Variants in NALF1 observed in about 807,000 individuals in gnomAD.
NALF1 encodes NALCN channel auxiliary factor 1.
Under a neutral mutation model 48.4 loss-of-function variants are expected in NALF1, and 3 were observed. That is an observed-to-expected ratio of 0.06 (90% CI 0.03 to 0.16). NALF1 has a LOEUF of 0.16. NALF1 is among the 10% of genes least tolerant of loss of function. The pLI, the probability that NALF1 is intolerant of heterozygous loss-of-function variation, is 1.00. For missense variants in NALF1, 526 were observed against 571.5 expected (o/e 0.92, Z 0.81); for synonymous variants, 262 against 245.7 (o/e 1.07, Z -0.62).
chr13:107,461,106 C>T (rs1884911609), intron 1 of NALF1, among the ~76,000 whole-genome samples: 1 of 151,914 alleles, frequency 6.6e-6, no homozygotes, highest in African/African-American at 2.4e-5. Flanking sequence ...GTTAAAAGAA[C>T]CCATAAAACA....
intron 1 of NALF1, among the ~76,000 whole-genome samples, chr13:107,454,508 A>G (rs1014148582): frequency 6.6e-6 from 1 of 152,116 alleles, no homozygotes; most frequent in Non-Finnish European, 1.5e-5. Flanking sequence ...CATGGGGGAA[A>G]CCACCCCCAT....
intron 1 of NALF1, among the ~76,000 whole-genome samples, chr13:107,684,639 A>C (rs1288512491): frequency 6.6e-6 from 1 of 151,990 alleles, no homozygotes; most frequent in Non-Finnish European, 1.5e-5. Flanking sequence ...CTGACAATAG[A>C]CTCTCTGGCT....
intron 1 of NALF1, among the ~76,000 whole-genome samples, chr13:107,342,493 T>A (rs186911037): frequency 6.6e-6 from 1 of 152,098 alleles, no homozygotes; most frequent in Non-Finnish European, 1.5e-5. Context: ...AAAACCTTTA[T>A]GAGAACTCCA....
intron 1 of NALF1, among the ~76,000 whole-genome samples, chr13:107,287,692 CT>C (rs1881523036): frequency 7.1e-6 from 1 of 140,306 alleles, no homozygotes; most frequent in Non-Finnish European, 1.5e-5. Context: ...CTTTTCCTTT[CT>C]TTTCTTTTCT....
At chr13:107,464,827 A>C in intron 1 of NALF1, among the ~76,000 whole-genome samples, 1 of 152,280 alleles carries the variant, frequency 6.6e-6, no homozygotes, top group East Asian at 1.9e-4. Flanking sequence ...GCGGCAATAC[A>C]AATTTTTAGA....
chr13:107,785,533 T>C (rs929050627), intron 1 of NALF1, among the ~76,000 whole-genome samples: 1 of 152,046 alleles, frequency 6.6e-6, no homozygotes, highest in African/African-American at 2.4e-5. Flanking sequence ...ACAATGGACT[T>C]TGGGGACTTG....
chr13:107,782,672 C>A (rs1374109932), intron 1 of NALF1, among the ~76,000 whole-genome samples: 3 of 151,534 alleles, frequency 2.0e-5, no homozygotes, highest in African/African-American at 7.3e-5. Context: ...GGCCGGCCAT[C>A]GTCTGAGATG....
intron 1 of NALF1, among the ~76,000 whole-genome samples, chr13:107,835,757 C>T (rs1047771218): frequency 2.0e-5 from 3 of 152,148 alleles, no homozygotes; most frequent in Non-Finnish European, 4.4e-5. Context: ...GCTAGCATCC[C>T]TGAGGCTTAC....
At chr13:107,226,137 A>T (rs1274466203) in intron 1 of NALF1, among the ~76,000 whole-genome samples, 2 of 152,056 alleles carry the variant, frequency 1.3e-5, no homozygotes, top group Non-Finnish European at 2.9e-5. Flanking sequence ...CTGGGGTTTA[A>T]ACACACACCA....
intron 1 of NALF1, among the ~76,000 whole-genome samples, chr13:107,578,673 T>C (rs1878219794): frequency 1.3e-5 from 2 of 152,190 alleles, no homozygotes; most frequent in African/African-American, 4.8e-5. Flanking sequence ...TCTTATTTAT[T>C]TTTACCTGTG....
chr13:107,272,897 T>C (rs1881205464), intron 1 of NALF1, among the ~76,000 whole-genome samples: 1 of 152,102 alleles, frequency 6.6e-6, no homozygotes, highest in Non-Finnish European at 1.5e-5. Context: ...TAAACTACAA[T>C]ATAAAAATGA....
Position 107,225,504 on chromosome 13 carries a change from T to TG in NALF1, c.916-14750dup, listed in dbSNP as rs1485626817. Among the ~76,000 whole-genome samples the TG allele has an allele frequency of 3.3e-5, 5 of 152,172 alleles. No individual in the cohort carries two copies. In the East Asian group the frequency reaches 9.7e-4, roughly 30 times the overall value. Reference sequence around the variant, plus strand: ...GTTGCCCAGGGTGGTCTTGAATTCCTGGCCTCAGGTAATCCTCCTGCATCA... The same window carrying TG: ...GTTGCCCAGGGTGGTCTTGAATTCCTGGGCCTCAGGTAATCCTCCTGCATCA... On this transcript the variant is annotated intron_variant, in intron 1 of 2. Transcript: ENST00000375915.
chr13:107,581,775 G>C (rs78777631), intron 1 of NALF1, among the ~76,000 whole-genome samples: 3,573 of 152,140 alleles, frequency 0.023, 126 homozygotes, highest in African/African-American at 0.08. Context: ...TAAGCAAATT[G>C]TATCTATTTT....
At chr13:107,616,738 A>T (rs754145928) in intron 1 of NALF1, among the ~76,000 whole-genome samples, 3 of 152,186 alleles carry the variant, frequency 2.0e-5, no homozygotes, top group Non-Finnish European at 4.4e-5. Context: ...TATTGATAGA[A>T]GTAAAAGGAC....
chr13:107,830,067 C>G (rs893645368), intron 1 of NALF1, among the ~76,000 whole-genome samples: 2 of 152,178 alleles, frequency 1.3e-5, no homozygotes, highest in African/African-American at 4.8e-5. Context: ...ACACCCGGAA[C>G]CCTCACCAAA....
In NALF1 at chr13:107,362,665, A is replaced by G. The variant is rs1375164967; in HGVS notation, c.916-151910T>C. The stretch of plus-strand genomic sequence containing the variant: ...GTCACATTAACAGATTCTGGGAGTT[A>G]GGACCTCAACATATTTTGCTGGGGG... On this transcript the variant is annotated intron_variant, in intron 1 of 2. Coordinates refer to ENST00000375915, the MANE Select transcript of NALF1 (RefSeq NM_001080396.3). This position sits in a 1 kb window ranked among gnomAD's most constrained non-coding sequence, Gnocchi z 4.6. Among the ~76,000 whole-genome samples the G allele has an allele frequency of 1.3e-5, 2 of 151,824 alleles. No homozygotes were observed. The highest frequency in any genetic ancestry group is 4.9e-5 in the African/African-American group (2 of 41,090).
At chr13:107,812,426 A>C (rs1240162572) in intron 1 of NALF1, among the ~76,000 whole-genome samples, 4 of 152,112 alleles carry the variant, frequency 2.6e-5, no homozygotes, top group Non-Finnish European at 5.9e-5. Context: ...CTTTTGATTT[A>C]TGTGCAAAGA....
intron 1 of NALF1, among the ~76,000 whole-genome samples, chr13:107,755,016 T>G (rs940041217): frequency 6.6e-6 from 1 of 152,234 alleles, no homozygotes; most frequent in Non-Finnish European, 1.5e-5. Flanking sequence ...TGTGTCTCCT[T>G]CAGTAACTGT....
intron 1 of NALF1, among the ~76,000 whole-genome samples, chr13:107,225,020 T>A (rs1459105713): frequency 2.0e-5 from 3 of 152,164 alleles, no homozygotes; most frequent in African/African-American, 7.2e-5. Context: ...TTTTGTTTTG[T>A]TTTTTGAGAT....
Sources: gnomAD v4.1 joint callset for allele counts (sites outside exome capture counted in the v4.1 genomes callset) on GRCh38, gnomAD v4.1.1 for gene constraint, Gnocchi (gnomAD v3.1) non-coding constraint, MANE v1.5 for transcripts, NCBI Gene and HGNC (gene_info 2026-07-23, HGNC 2026-07-21) for gene names.